CNTNAP5: variants seen among roughly 807,000 people sequenced by gnomAD.
CNTNAP5 encodes contactin associated protein family member 5.
In CNTNAP5, 72 loss-of-function variants were observed where a neutral mutation model predicts 150.2. The ratio of observed to expected loss-of-function variants is 0.48; its 90% CI spans 0.40 to 0.58. The LOEUF (loss-of-function observed/expected upper bound fraction) is 0.58. CNTNAP5 is among the 20% of genes least tolerant of loss of function. The pLI is 0.00. For synonymous variants in CNTNAP5, 672 were observed against 619.8 expected (o/e 1.08, Z -1.25); for missense variants, 1,636 against 1,626.2 (o/e 1.01, Z -0.10).
chr2:124,085,276 T>C (rs1682658263), intron 1 of CNTNAP5, among the ~76,000 whole-genome samples: 1 of 152,100 alleles, frequency 6.6e-6, no homozygotes, highest in South Asian at 2.1e-4. Context: ...TCATGTTTGG[T>C]TGTGATATTT....
intron 1 of CNTNAP5, among the ~76,000 whole-genome samples, chr2:124,186,104 G>T (rs932813794): frequency 6.6e-6 from 1 of 152,158 alleles, no homozygotes; most frequent in Admixed American, 6.5e-5. Context: ...GGGCCTTAGG[G>T]TCCTGAGTGG....
chr2:124,258,148 C>A (rs1242952270), intron 3 of CNTNAP5, among the ~76,000 whole-genome samples: 1 of 152,108 alleles, frequency 6.6e-6, no homozygotes, highest in Non-Finnish European at 1.5e-5. Flanking sequence ...GATGACTCTG[C>A]TGGGTGGCTA....
At chr2:124,211,802 C>G (rs78271609) in intron 1 of CNTNAP5, among the ~76,000 whole-genome samples, 1 of 152,142 alleles carries the variant, frequency 6.6e-6, no homozygotes, top group African/African-American at 2.4e-5. Flanking sequence ...CAGAGATGTT[C>G]GTTTTATTTT....
intron 10 of CNTNAP5, among the ~76,000 whole-genome samples, chr2:124,542,800 C>A (rs556823414): frequency 6.6e-6 from 1 of 152,194 alleles, no homozygotes; most frequent in South Asian, 2.1e-4. Context: ...AGACACGTGC[C>A]CTGTGATTAT....
chr2:124,215,641 T>C (rs979476058), intron 1 of CNTNAP5, among the ~76,000 whole-genome samples: 2 of 150,962 alleles, frequency 1.3e-5, no homozygotes, highest in African/African-American at 4.9e-5. Flanking sequence ...TTTTTCTGTT[T>C]GTTTGACTTC....
intron 13 of CNTNAP5, among the ~76,000 whole-genome samples, chr2:124,676,254 T>G (rs2105063311): frequency 6.6e-6 from 1 of 152,356 alleles, no homozygotes; most frequent in Non-Finnish European, 1.5e-5. Flanking sequence ...TTTCACATCC[T>G]GCTTCTGCAA....
intron 1 of CNTNAP5, among the ~76,000 whole-genome samples, chr2:124,062,602 C>CATAGTAGAT (rs1682041768): frequency 6.6e-6 from 1 of 152,164 alleles, no homozygotes; most frequent in Non-Finnish European, 1.5e-5. Context: ...GGCTCCAGAG[C>CATAGTAGAT]ATAGTAGATG....
chr2:124,599,961 T>C (rs1252573191), intron 11 of CNTNAP5, among the ~76,000 whole-genome samples: 1 of 150,740 alleles, frequency 6.6e-6, no homozygotes, highest in Non-Finnish European at 1.5e-5. Flanking sequence ...AACCATGTCT[T>C]TTTTTTTTGC....
chr2:124,552,041 T>C lies in CNTNAP5; in HGVS notation c.1650-11176T>C, dbSNP rs556094764. ...ACACAGTTAACTACTGTGCTTATTT[T>C]CTTAGACAAAGGACCATTTTCTTTT... On this transcript the variant is annotated intron_variant, in intron 10 of 23. Transcript: ENST00000682447. Among the ~76,000 whole-genome samples, 246 of 151,138 alleles carry C rather than the reference T, an allele frequency of 1.6e-3. 6 individuals are homozygous for C. Among genetic ancestry groups the C allele is most frequent in the Middle Eastern group, 6.9e-3 (2 of 290 alleles).
chr2:124,516,985 A>G (rs900527608), intron 8 of CNTNAP5, among the ~76,000 whole-genome samples: 6 of 152,192 alleles, frequency 3.9e-5, no homozygotes, highest in African/African-American at 1.4e-4. Flanking sequence ...ATTCCCACCA[A>G]ACTCACCTTT....
At chr2:124,863,669 C>T (rs1354016869) in intron 19 of CNTNAP5, among the ~76,000 whole-genome samples, 4 of 152,114 alleles carry the variant, frequency 2.6e-5, no homozygotes, top group Admixed American at 2.0e-4. Flanking sequence ...GGTCTCTGCC[C>T]TCTCCCCGCA....
chr2:124,176,869 C>T lies in CNTNAP5; in HGVS notation c.83-44836C>T, dbSNP rs6747934. ...TTTTTTTTTTTTTTTTTTTACATGG[C>T]GTTTCTCTCTTGTTGCCCAGGGCGG... On this transcript the variant is annotated intron_variant, in intron 1 of 23. Coordinates refer to ENST00000682447, the MANE Select transcript of CNTNAP5 (RefSeq NM_001367498.1). 2.6e-3 allele frequency among the ~76,000 whole-genome samples: 207 copies of T among 80,642 alleles called. 4 individuals carry two copies. Among genetic ancestry groups the T allele is most frequent in the African/African-American group, 9.4e-3 (178 of 18,888 alleles). 52.9% of individuals were successfully genotyped at this position (80,642 alleles called of 152,430 possible).
chr2:124,155,807 A>C (rs2104641226), intron 1 of CNTNAP5, among the ~76,000 whole-genome samples: 1 of 152,336 alleles, frequency 6.6e-6, no homozygotes, highest in East Asian at 1.9e-4. Context: ...AACAAAACAA[A>C]ATAAAAATCA....
intron 2 of CNTNAP5, among the ~76,000 whole-genome samples, chr2:124,240,379 CCTGGAAGTGG>C (rs1389264059): frequency 6.6e-6 from 1 of 152,128 alleles, no homozygotes; most frequent in African/African-American, 2.4e-5. Flanking sequence ...AGCACGCTAG[CCTGGAAGTGG>C]CACAAATTAT....
At chr2:124,880,934 A>G (rs1284126671) in intron 21 of CNTNAP5, among the ~76,000 whole-genome samples, 1 of 152,146 alleles carries the variant, frequency 6.6e-6, no homozygotes, top group Admixed American at 6.6e-5. Context: ...TAGATGGAGT[A>G]CATTCCAGGA....
chr2:124,182,863 T>G (rs1458358617), intron 1 of CNTNAP5, among the ~76,000 whole-genome samples: 1 of 152,154 alleles, frequency 6.6e-6, no homozygotes, highest in African/African-American at 2.4e-5. Context: ...TTGTTCCATT[T>G]TGTTCCATAC....
chr2:124,758,445 G>T (rs1680887402), intron 14 of CNTNAP5, among the ~76,000 whole-genome samples: 2 of 152,046 alleles, frequency 1.3e-5, no homozygotes. Context: ...ATGTGTGTGT[G>T]TGTCTGTGTG....
intron 1 of CNTNAP5, among the ~76,000 whole-genome samples, chr2:124,058,034 C>T (rs192107292): frequency 1.2e-3 from 177 of 152,186 alleles, no homozygotes; most frequent in Admixed American, 8.8e-3. Context: ...ATAGCTAACT[C>T]TCCAAGTTGA....
Position 124,397,452 on chromosome 2 carries a change from T to G in CNTNAP5, c.382-19991T>G, listed in dbSNP as rs1184014542. Among the ~76,000 whole-genome samples the G allele has an allele frequency of 2.6e-5, 4 of 152,132 alleles. No individual in the cohort carries two copies. The South Asian group carries it at 8.3e-4, about 32-fold the overall frequency. On this transcript the variant is annotated intron_variant, in intron 3 of 23. Coordinates refer to ENST00000682447, the MANE Select transcript of CNTNAP5 (RefSeq NM_001367498.1). ...TTTCTATTCTTAGAAAGGCACTAAT[T>G]CCATCACAGAGCATTCATTCTCATG... is the stretch of plus-strand genomic sequence containing the variant.
Sources: allele counts gnomAD v4.1 joint callset (sites outside exome capture counted in the v4.1 genomes callset), GRCh38; gene constraint gnomAD v4.1.1; transcripts MANE v1.5; gene names NCBI Gene and HGNC (gene_info 2026-07-23, HGNC 2026-07-21).